TTC39C: variants seen among roughly 807,000 people sequenced by gnomAD.
TTC39C encodes tetratricopeptide repeat protein 39C.
TTC39C carries 33 observed loss-of-function variants against 76.3 expected under a neutral mutation model. The observed-to-expected ratio is 0.43, with a 90% CI of 0.33 to 0.58. TTC39C has a LOEUF of 0.58. TTC39C is among the 20% of genes least tolerant of loss of function. The pLI is 0.04. For missense variants in TTC39C, 595 were observed against 701.4 expected (o/e 0.85, Z 1.71); for synonymous variants, 254 against 260.6 (o/e 0.97, Z 0.24).
chr18:24,006,207 T>G (rs1417496983), intron 1 of TTC39C, among the ~76,000 whole-genome samples: 3 of 151,970 alleles, frequency 2.0e-5, no homozygotes, highest in Non-Finnish European at 2.9e-5. Context: ...GAGTTGGGGT[T>G]TTGCTATGTT....
At chr18:24,096,081 C>T (rs1355158815) in intron 6 of TTC39C, among the ~76,000 whole-genome samples, 1 of 152,158 alleles carries the variant, frequency 6.6e-6, no homozygotes, top group Non-Finnish European at 1.5e-5. Context: ...TCAAAGATCA[C>T]TGATCATAGA....
At chr18:23,996,945 T>TA (rs1485006643) in intron 1 of TTC39C, among the ~76,000 whole-genome samples, 6 of 151,594 alleles carry the variant, frequency 4.0e-5, no homozygotes, top group African/African-American at 1.5e-4. Context: ...CCGTCTCTAC[T>TA]AAAAATACAA....
chr18:24,100,524 G>A (rs1461003884), intron 6 of TTC39C, among the ~76,000 whole-genome samples: 5 of 152,254 alleles, frequency 3.3e-5, no homozygotes, highest in Non-Finnish European at 7.3e-5. Flanking sequence ...AAGGCTTGGA[G>A]TGAGTGCCCA....
chr18:24,120,605 A>G (rs111970954), intron 8 of TTC39C, among the ~76,000 whole-genome samples: 17 of 152,312 alleles, frequency 1.1e-4, no homozygotes, highest in African/African-American at 3.8e-4. Context: ...AACTCCAGAT[A>G]ACGCTCAGAT....
chr18:24,016,519 T>A (rs2083456422), intron 1 of TTC39C: 1 of 394,282 alleles, frequency 2.5e-6, no homozygotes, highest in African/African-American at 2.1e-5. Flanking sequence ...ACTTGCATGT[T>A]TAAGTACTTC....
intron 8 of TTC39C, among the ~76,000 whole-genome samples, chr18:24,119,772 G>A (rs1454324047): frequency 6.6e-6 from 1 of 152,236 alleles, no homozygotes; most frequent in African/African-American, 2.4e-5. Flanking sequence ...GAGTGACTCA[G>A]TGTGTTTAAT....
At chr18:24,098,215 A>G (rs1045303575) in intron 6 of TTC39C, among the ~76,000 whole-genome samples, 4 of 152,016 alleles carry the variant, frequency 2.6e-5, no homozygotes, top group African/African-American at 9.7e-5. Flanking sequence ...TAGTCATGTC[A>G]CCTTTTATTT....
chr18:24,042,431 G>C (rs35215707), intron 1 of TTC39C, among the ~76,000 whole-genome samples: 95,763 of 152,010 alleles, frequency 0.63, 34,016 homozygotes, highest in Non-Finnish European at 0.82. Context: ...TAGGGTTCGC[G>C]TTCTTAGGAG....
chr18:24,086,739 C>CGTAA (rs535118301), intron 6 of TTC39C, among the ~76,000 whole-genome samples: 5 of 152,208 alleles, frequency 3.3e-5, no homozygotes, highest in Admixed American at 2.0e-4. Flanking sequence ...GTTGTCCTTA[C>CGTAA]AGCTGATCCT....
intron 6 of TTC39C, chr18:24,113,980 A>G (rs1458621422): frequency 2.0e-5 from 8 of 390,332 alleles, no homozygotes; most frequent in Middle Eastern, 7.9e-4. Context: ...ATTCTAGGGT[A>G]TAGAAGCAAA....
intron 1 of TTC39C, 93 bp from the exon 2 acceptor site, chr18:24,064,045 TTA>T: frequency 1.8e-5 from 27 of 1,522,588 alleles, no homozygotes; most frequent in Non-Finnish European, 2.2e-5. Context: ...ATTAGAAGGA[TTA>T]TATGGTAATC....
chr18:24,067,005 C>T (rs1599292199), intron 3 of TTC39C, among the ~76,000 whole-genome samples: 1 of 152,116 alleles, frequency 6.6e-6, no homozygotes, highest in African/African-American at 2.4e-5. Flanking sequence ...ACAGTGACCA[C>T]GATGGATTAT....
intron 6 of TTC39C, among the ~76,000 whole-genome samples, chr18:24,106,227 C>T (rs1197394860): frequency 6.6e-6 from 1 of 152,144 alleles, no homozygotes; most frequent in Non-Finnish European, 1.5e-5. Flanking sequence ...ATTAGTGTCT[C>T]CCCACAGGCA....
At chr18:24,013,051 A>G (rs2083406050), upstream of TTC39C, 1 of 152,162 alleles carries the variant, frequency 6.6e-6, no homozygotes, top group Admixed American at 6.5e-5. Context: ...CCTAAAAACA[A>G]AAGGTTACAG....
At chr18:24,066,222 T>A in intron 3 of TTC39C, 82 bp downstream of exon 3, 1 of 1,507,930 alleles carries the variant, frequency 6.6e-7, no homozygotes, top group Non-Finnish European at 8.8e-7. Context: ...AAAAGCCATT[T>A]GCTTGGTTTT....
At chr18:24,115,666 C>T (rs1036366859) in intron 7 of TTC39C, among the ~76,000 whole-genome samples, 1 of 152,246 alleles carries the variant, frequency 6.6e-6, no homozygotes, top group African/African-American at 2.4e-5. Context: ...CTGCCTGCCA[C>T]TTGCTTTGCC....
chr18:24,007,967 C>T (rs753523005), intron 1 of TTC39C, among the ~76,000 whole-genome samples: 1 of 152,162 alleles, frequency 6.6e-6, no homozygotes, highest in East Asian at 1.9e-4. Flanking sequence ...AGCATGTTCA[C>T]GTGCCCACTA....
At chr18:24,069,085 C>A in intron 3 of TTC39C, 72 bp from the exon 4 acceptor site, 1 of 1,244,408 alleles carries the variant, frequency 8.0e-7, no homozygotes, top group Non-Finnish European at 1.2e-6. Context: ...TGTACAATAA[C>A]CTGATACTGT....
At chr18:24,047,860 C>G (rs1266432297) in intron 1 of TTC39C, among the ~76,000 whole-genome samples, 3 of 152,088 alleles carry the variant, frequency 2.0e-5, no homozygotes, top group Admixed American at 2.0e-4. Flanking sequence ...AATATATGAA[C>G]CTGATGTGAG....
Sources: gnomAD v4.1 joint callset for allele counts (sites outside exome capture counted in the v4.1 genomes callset) on GRCh38, gnomAD v4.1.1 for gene constraint, MANE v1.5 for transcripts, NCBI Gene and HGNC (gene_info 2026-07-23, HGNC 2026-07-21) for gene names.